Variants in SORCS1 observed in about 807,000 individuals in gnomAD.
SORCS1 encodes VPS10 domain-containing receptor SorCS1.
SORCS1 carries 60 observed loss-of-function variants against 146.1 expected under a neutral mutation model. The observed-to-expected ratio is 0.41, with a 90% confidence interval of 0.33 to 0.51. The LOEUF is 0.51. Ranked by LOEUF, SORCS1 falls within the 20% of genes least tolerant of loss-of-function variation. SORCS1 has a pLI of 0.21. For synonymous variants in SORCS1, 637 were observed against 584.0 expected, an observed-to-expected ratio of 1.09 and a Z score of -1.31; for missense variants, 1,352 against 1,487.6, an observed-to-expected ratio of 0.91 and a Z score of 1.50.
In SORCS1 at chr10:107,064,046, C is replaced by G. The variant is rs114770986; in HGVS notation, c.558+99923G>C. On this transcript the variant is annotated intron_variant, in intron 1 of 25. Transcript: ENST00000263054. ...CATCTTCATTATTTATACCCCTATT[C>G]TATCCCCACTCCTTTCACTAATAGT... is the stretch of plus-strand genomic sequence containing the variant. Among the ~76,000 whole-genome samples the G allele has an allele frequency of 7.7e-3, 1,177 of 152,336 alleles. 12 individuals are homozygous for G. Among genetic ancestry groups the G allele is most frequent in the African/African-American group, 0.026 (1,084 of 41,582 alleles).
chr10:106,757,649 C>T (rs552006843), intron 5 of SORCS1, among the ~76,000 whole-genome samples: 2 of 152,122 alleles, frequency 1.3e-5, no homozygotes, highest in Non-Finnish European at 2.9e-5. Context: ...CTTAAGGAAC[C>T]CTTGTGAGCC....
intron 5 of SORCS1, among the ~76,000 whole-genome samples, chr10:106,744,307 G>A (rs955451017): frequency 7.9e-5 from 12 of 152,020 alleles, no homozygotes; most frequent in South Asian, 4.1e-4. Flanking sequence ...GGGTTTCACC[G>A]TGTTAGCCAG....
chr10:106,714,579 T>C (rs1855231334), intron 6 of SORCS1, among the ~76,000 whole-genome samples: 1 of 152,206 alleles, frequency 6.6e-6, no homozygotes, highest in Admixed American at 6.5e-5. Flanking sequence ...TTTTAAAAAG[T>C]AGGTTACCAA....
chr10:106,968,717 C>A (rs939021974), intron 1 of SORCS1, among the ~76,000 whole-genome samples: 8 of 152,240 alleles, frequency 5.3e-5, no homozygotes, highest in African/African-American at 1.4e-4. Context: ...CAATAAGAAA[C>A]TGGAATAAAA....
At chr10:106,602,512 A>AACACACACACACACACACACACACAC (rs66699179) in intron 23 of SORCS1, among the ~76,000 whole-genome samples, 17 of 138,852 alleles carry the variant, frequency 1.2e-4, no homozygotes, top group Middle Eastern at 3.5e-3. Context: ...ATTCCTTCAT[A>AACACACACACACACACACACACACAC]ACACACACAC....
At chr10:107,051,263 TA>T (rs1960087310) in intron 1 of SORCS1, among the ~76,000 whole-genome samples, 1 of 152,142 alleles carries the variant, frequency 6.6e-6, no homozygotes, top group Non-Finnish European at 1.5e-5. Context: ...AGAGAGTGCC[TA>T]AAGTTGATGT....
intron 1 of SORCS1, among the ~76,000 whole-genome samples, chr10:107,156,530 T>TA (rs1362893151): frequency 1.3e-5 from 2 of 152,210 alleles, no homozygotes; most frequent in African/African-American, 4.8e-5. Context: ...ATGTCTTATG[T>TA]AGATAGAGTT....
At chr10:106,767,613 C>T (rs908333144) in intron 4 of SORCS1, among the ~76,000 whole-genome samples, 1 of 152,110 alleles carries the variant, frequency 6.6e-6, no homozygotes, top group Non-Finnish European at 1.5e-5. Flanking sequence ...CTCAGCCTCC[C>T]CATTAGCTAG....
intron 2 of SORCS1, among the ~76,000 whole-genome samples, chr10:106,935,655 T>C (rs1409447278): frequency 4.6e-5 from 7 of 152,214 alleles, no homozygotes; most frequent in Non-Finnish European, 7.4e-5. Flanking sequence ...AATCAGTCTG[T>C]CTAGTACAAA....
chr10:107,125,278 C>T lies in SORCS1; in HGVS notation c.558+38691G>A, dbSNP rs548276237. Among the ~76,000 whole-genome samples, 12 of 152,184 alleles carry T rather than the reference C, an allele frequency of 7.9e-5. 1 individual carries two copies. Among genetic ancestry groups the T allele is most frequent in the African/African-American group, 2.9e-4 (12 of 41,530 alleles). On this transcript the variant is annotated intron_variant, in intron 1 of 25. Transcript: ENST00000263054. ...GCTCAGCTTTCTTAAAGCAAAATGC[C>T]CATTTTCTTTATTTCAGAAAGGCCT...
At chr10:106,620,272 AATG>A (rs1405859234) in intron 20 of SORCS1, 153 bp downstream of exon 20, 3 of 829,964 alleles carry the variant, frequency 3.6e-6, no homozygotes, top group Admixed American at 3.2e-5. Flanking sequence ...GAGAGAACAT[AATG>A]ATGAGATACT....
At chr10:106,687,112 T>C (rs1852908882) in intron 10 of SORCS1, among the ~76,000 whole-genome samples, 1 of 152,142 alleles carries the variant, frequency 6.6e-6, no homozygotes, top group African/African-American at 2.4e-5. Flanking sequence ...AATTTGCAAT[T>C]TGCCTCTTCC....
intron 2 of SORCS1, among the ~76,000 whole-genome samples, chr10:106,914,557 C>T (rs1432700583): frequency 2.0e-5 from 3 of 152,100 alleles, no homozygotes; most frequent in Non-Finnish European, 2.9e-5. Flanking sequence ...AGATCAATGG[C>T]GGCCATGCTC....
At chr10:107,142,738 T>A (rs1464074603) in intron 1 of SORCS1, among the ~76,000 whole-genome samples, 1 of 152,154 alleles carries the variant, frequency 6.6e-6, no homozygotes, top group Non-Finnish European at 1.5e-5. Flanking sequence ...CATCACTAGA[T>A]CATAGGTAGG....
chr10:107,126,397 T>A (rs1966713190), intron 1 of SORCS1, among the ~76,000 whole-genome samples: 1 of 152,156 alleles, frequency 6.6e-6, no homozygotes, highest in Non-Finnish European at 1.5e-5. Context: ...AAACTGTGAT[T>A]CATAAATAAG....
rs1281379916 is a variant in SORCS1 at position 107,164,229 on chromosome 10, C to A, written c.298G>T (p.Ala100Ser). 18 of 1,607,888 alleles carry A rather than the reference C, an allele frequency of 1.1e-5. No homozygotes were observed. Among genetic ancestry groups the A allele is most frequent in the Non-Finnish European group, 1.5e-5 (18 of 1,179,820 alleles). Residue 100 changes from alanine to serine, a missense_variant, in exon 1 of 26, where the codon GCG becomes TCG. Ala to Ser is a moderately conservative substitution (Grantham distance 99). Transcript: ENST00000263054. This position sits in a 1 kb window ranked among gnomAD's most constrained non-coding sequence, Gnocchi z 6.8. ...ERARGTGASMAVAARSGRRRR... is the reference protein window; with the variant it reads ...ERARGTGASMSVAARSGRRRR... Reference sequence around the variant, plus strand: ...CTCCGGCCGGAGCGTGCAGCAACCGCCATGGATGCCCCAGTGCCCCGAGCC... The same window carrying A: ...CTCCGGCCGGAGCGTGCAGCAACCGACATGGATGCCCCAGTGCCCCGAGCC...
chr10:106,864,814 A>G (rs11193079), intron 2 of SORCS1, among the ~76,000 whole-genome samples: 44,373 of 152,150 alleles, frequency 0.29, 7,672 homozygotes, highest in Non-Finnish European at 0.39. Context: ...GACCAAGGTA[A>G]CCAGGGGCTG....
intron 1 of SORCS1, among the ~76,000 whole-genome samples, chr10:106,977,589 ATTT>A (rs35526585): frequency 7.5e-6 from 1 of 133,450 alleles, no homozygotes; most frequent in Admixed American, 7.4e-5. Context: ...CATTCATTGG[ATTT>A]TTTTTTTTTT....
intron 4 of SORCS1, among the ~76,000 whole-genome samples, chr10:106,769,982 A>G (rs542031850): frequency 8.5e-5 from 13 of 152,312 alleles, no homozygotes; most frequent in Admixed American, 7.8e-4. Context: ...AATCCCAGCT[A>G]TGCGGGAAGC....
Sources: allele counts gnomAD v4.1 joint callset (sites outside exome capture counted in the v4.1 genomes callset), GRCh38; gene constraint gnomAD v4.1.1; non-coding constraint Gnocchi (gnomAD v3.1); transcripts MANE v1.5; gene names NCBI Gene and HGNC (gene_info 2026-07-23, HGNC 2026-07-21).